Variants in WWOX observed in about 807,000 individuals in gnomAD.
The protein encoded by WWOX is WW domain containing oxidoreductase.
Under a neutral mutation model 46.2 loss-of-function variants are expected in WWOX, and 69 were observed. The ratio of observed to expected loss-of-function variants is 1.49; its 90% CI spans 1.23 to 1.82. The LOEUF (loss-of-function observed/expected upper bound fraction) is 1.82, where lower values mean the gene tolerates loss of function less well. WWOX is among the 40% of genes most tolerant of loss of function. WWOX has a pLI of 0.00. For synonymous variants in WWOX, 359 were observed against 202.6 expected (o/e 1.77, Z -6.56); for missense variants, 919 against 542.6 (o/e 1.69, Z -6.89).
At chr16:79,081,575 T>C (rs1259845545) in intron 8 of WWOX, among the ~76,000 whole-genome samples, 1 of 152,226 alleles carries the variant, frequency 6.6e-6, no homozygotes, top group Non-Finnish European at 1.5e-5. Flanking sequence ...TGTGGGGCCC[T>C]GAACAAAAAT....
intron 8 of WWOX, among the ~76,000 whole-genome samples, chr16:78,684,517 C>T (rs1423368438): frequency 2.6e-5 from 4 of 152,124 alleles, no homozygotes; most frequent in East Asian, 1.9e-4. Flanking sequence ...AGATTTATTA[C>T]GGGACCTGGA....
chr16:78,379,489 C>T (rs1176465435), intron 5 of WWOX, among the ~76,000 whole-genome samples: 2 of 152,136 alleles, frequency 1.3e-5, no homozygotes, highest in Admixed American at 6.5e-5. Flanking sequence ...TTTATTTCAC[C>T]CACATAGTGA....
chr16:78,483,534 G>A (rs2084550266), intron 8 of WWOX, among the ~76,000 whole-genome samples: 1 of 150,914 alleles, frequency 6.6e-6, no homozygotes, highest in Non-Finnish European at 1.5e-5. Context: ...CTAGCTGATT[G>A]CCAACAGAAC....
chr16:79,019,511 T>G (rs544186369), intron 8 of WWOX, among the ~76,000 whole-genome samples: 1 of 152,208 alleles, frequency 6.6e-6, no homozygotes, highest in Non-Finnish European at 1.5e-5. Context: ...ACAGCCATCA[T>G]ATATGCAGTC....
At chr16:78,488,512 T>G (rs1352578089) in intron 8 of WWOX, among the ~76,000 whole-genome samples, 4 of 152,194 alleles carry the variant, frequency 2.6e-5, no homozygotes, top group Admixed American at 1.3e-4. Context: ...CAACTGGATT[T>G]ACCATTGTGG....
At chr16:78,256,488 G>A (rs180788745) in intron 5 of WWOX, among the ~76,000 whole-genome samples, 1 of 151,890 alleles carries the variant, frequency 6.6e-6, no homozygotes, top group African/African-American at 2.4e-5. Flanking sequence ...GGAGAGAAAT[G>A]TACTGGACTC....
intron 8 of WWOX, among the ~76,000 whole-genome samples, chr16:78,876,698 G>A (rs1012192995): frequency 6.6e-6 from 1 of 152,052 alleles, no homozygotes; most frequent in African/African-American, 2.4e-5. Context: ...AGCCCAGTTA[G>A]GGTACCCTCA....
At chr16:79,118,535 G>A (rs2049564784) in intron 8 of WWOX, among the ~76,000 whole-genome samples, 1 of 152,188 alleles carries the variant, frequency 6.6e-6, no homozygotes, top group Non-Finnish European at 1.5e-5. Flanking sequence ...AAAGTTGCCA[G>A]AAACCTTCGA....
At chr16:78,686,828 A>G (rs2047872669) in intron 8 of WWOX, among the ~76,000 whole-genome samples, 1 of 152,200 alleles carries the variant, frequency 6.6e-6, no homozygotes, top group Non-Finnish European at 1.5e-5. Context: ...GCCAGGAGAC[A>G]GGCTTCGTTT....
intron 8 of WWOX, among the ~76,000 whole-genome samples, chr16:78,993,158 G>A (rs1273046175): frequency 1.3e-5 from 2 of 151,930 alleles, no homozygotes; most frequent in African/African-American, 4.8e-5. Context: ...TCTGATAATT[G>A]CAGAGAGATA....
At chr16:78,151,330 C>G (rs2151720744) in intron 4 of WWOX, among the ~76,000 whole-genome samples, 1 of 152,294 alleles carries the variant, frequency 6.6e-6, no homozygotes, top group South Asian at 2.1e-4. Context: ...TGAAGTCAGG[C>G]TACCATGCCC....
intron 8 of WWOX, among the ~76,000 whole-genome samples, chr16:78,835,986 G>A (rs1050849386): frequency 3.3e-5 from 5 of 152,104 alleles, no homozygotes; most frequent in Non-Finnish European, 5.9e-5. Flanking sequence ...CTTCTTCAAA[G>A]CCTCGTTATT....
At chr16:78,108,380 G>T in intron 1 of WWOX, 43 bp from the exon 2 acceptor site, 1 of 1,590,080 alleles carries the variant, frequency 6.3e-7, no homozygotes, top group Non-Finnish European at 8.6e-7. Context: ...TTTTAGAAGA[G>T]TTAATTTTTA....
At chr16:78,493,229 C>G (rs930964542) in intron 8 of WWOX, among the ~76,000 whole-genome samples, 5 of 152,158 alleles carry the variant, frequency 3.3e-5, no homozygotes, top group African/African-American at 9.7e-5. Flanking sequence ...GGACCTGACA[C>G]TCACTCTTTA....
intron 5 of WWOX, among the ~76,000 whole-genome samples, chr16:78,260,063 C>A (rs543574396): frequency 1.5e-4 from 22 of 151,256 alleles, no homozygotes; most frequent in African/African-American, 4.4e-4. Context: ...AGAGAACTTA[C>A]ACAGGAGCGT....
In WWOX at chr16:78,622,390, A is replaced by C. The variant is rs574232235; in HGVS notation, c.1056+189638A>C. On this transcript the variant is annotated intron_variant, in intron 8 of 8. Coordinates refer to ENST00000566780, the MANE Select transcript of WWOX (RefSeq NM_016373.4). ...AAACCCCACCTCTACTAAAAATACAAAATTAGTCAGGCGTGGTAGTGTACA... is the reference window on the plus strand; with the variant it reads ...AAACCCCACCTCTACTAAAAATACACAATTAGTCAGGCGTGGTAGTGTACA... Among the ~76,000 whole-genome samples, 12 of 152,092 alleles carry C rather than the reference A, an allele frequency of 7.9e-5. No individual in the cohort carries two copies. In the East Asian group the frequency reaches 1.4e-3, roughly 17 times the overall value.
At chr16:78,437,926 G>A (rs936543295) in intron 8 of WWOX, among the ~76,000 whole-genome samples, 1 of 152,030 alleles carries the variant, frequency 6.6e-6, no homozygotes, top group Non-Finnish European at 1.5e-5. Flanking sequence ...AAGAACTTTC[G>A]AGTTGGTGAA....
In WWOX at chr16:78,475,028, C is replaced by A. The variant is rs559657163; in HGVS notation, c.1056+42276C>A. On this transcript the variant is annotated intron_variant, in intron 8 of 8. Transcript: ENST00000566780. ...CTTTGTAGCCACCAAGAGCCACTAA[C>A]AGTGCTAACATAGCCAGGCATTCTA... is the stretch of plus-strand genomic sequence containing the variant. Among the ~76,000 whole-genome samples, 4 of 152,244 alleles carry A rather than the reference C, an allele frequency of 2.6e-5. No individual in the cohort carries two copies. In the East Asian group the frequency reaches 5.8e-4, roughly 22 times the overall value.
chr16:78,399,632 T>G (rs1453959617), intron 6 of WWOX, among the ~76,000 whole-genome samples: 1 of 152,202 alleles, frequency 6.6e-6, no homozygotes, highest in Non-Finnish European at 1.5e-5. Flanking sequence ...TTTCAACATT[T>G]GGTTACTCTC....
Sources: gnomAD v4.1 joint callset for allele counts (sites outside exome capture counted in the v4.1 genomes callset) on GRCh38, gnomAD v4.1.1 for gene constraint, MANE v1.5 for transcripts, NCBI Gene and HGNC (gene_info 2026-07-23, HGNC 2026-07-21) for gene names.